Variants in FAM161A observed in about 807,000 individuals in gnomAD.
FAM161A encodes FAM161 centrosomal protein A.
In FAM161A, 57 loss-of-function variants were observed where a neutral mutation model predicts 70.9. The observed-to-expected ratio is 0.80, with a 90% CI of 0.65 to 1.00. FAM161A has a LOEUF of 1.00. Among genes scored for constraint, FAM161A ranks in the 50% least tolerant of loss-of-function variants. The pLI is 0.00. For synonymous variants in FAM161A, 299 were observed against 295.7 expected, an observed-to-expected ratio of 1.01 and a Z score of -0.12; for missense variants, 880 against 836.0, an observed-to-expected ratio of 1.05 and a Z score of -0.65.
chr2:61,826,423 C>A lies in FAM161A; in HGVS notation c.*32G>T, dbSNP rs1170344174. The A allele has an allele frequency of 3.1e-6, 5 of 1,610,348 alleles. No homozygotes were observed. In the South Asian group the frequency reaches 4.4e-5, roughly 14 times the overall value. On this transcript the variant is annotated 3_prime_UTR_variant, in exon 7 of 7. Coordinates refer to ENST00000404929, the MANE Select transcript of FAM161A (RefSeq NM_001201543.2). Reference sequence around the variant, plus strand: ...GCTGACACCCTGACGCTGCAAACAACAGCAAGGGCATAGAGAGGAGACCTT... The same window carrying A: ...GCTGACACCCTGACGCTGCAAACAAAAGCAAGGGCATAGAGAGGAGACCTT...
At position 61,838,519 on chromosome 2, in the gene FAM161A, C is replaced by T; in HGVS notation, c.1751+19G>A. 6.3e-7 allele frequency: 1 copy of T among 1,592,764 alleles called. No individual in the cohort carries two copies. The highest frequency in any genetic ancestry group is 8.6e-7 in the Non-Finnish European group (1 of 1,169,388). On this transcript the variant is annotated intron_variant, in intron 4 of 6. Transcript: ENST00000404929. ...TTTGAAAACCAGTGGTCTGGAGATTCAAGATTTTTTCATGATACCTGAGAC... is the reference window on the plus strand; with the variant it reads ...TTTGAAAACCAGTGGTCTGGAGATTTAAGATTTTTTCATGATACCTGAGAC...
At chr2:61,816,749 G>C in the FAM161A span, among the ~76,000 whole-genome samples, 10 of 152,310 alleles carry the variant, frequency 6.6e-5, no homozygotes, top group Non-Finnish European at 1.0e-4. Context: ...TTACAGGTGT[G>C]AGCCACGGCC....
At chr2:61,848,406 T>C (rs549779149) in intron 1 of FAM161A, among the ~76,000 whole-genome samples, 3 of 152,176 alleles carry the variant, frequency 2.0e-5, no homozygotes, top group South Asian at 4.1e-4. Flanking sequence ...ATTTAATCTT[T>C]AATTGTCTCC....
chr2:61,810,453 CTTTTTTTT>C, the FAM161A span, among the ~76,000 whole-genome samples: 112 of 95,616 alleles, frequency 1.2e-3, no homozygotes, highest in African/African-American at 4.7e-3. Context: ...CCAGCACTTC[CTTTTTTTT>C]TTTTTTTTTT....
the FAM161A span, among the ~76,000 whole-genome samples, chr2:61,804,869 C>T: frequency 4.0e-5 from 6 of 150,136 alleles, no homozygotes; most frequent in African/African-American, 7.4e-5. Flanking sequence ...AGGGAGGGAG[C>T]GAGAGAAACT....
chr2:61,823,386 T>TA (rs1558470704), downstream of FAM161A, among the ~76,000 whole-genome samples: 78 of 135,192 alleles, frequency 5.8e-4, 1 homozygote, highest in African/African-American at 1.5e-3. Context: ...TATATATATA[T>TA]TGAGTCAGGG....
At chr2:61,847,956 G>C (rs2105096798) in intron 1 of FAM161A, among the ~76,000 whole-genome samples, 1 of 152,142 alleles carries the variant, frequency 6.6e-6, no homozygotes, top group East Asian at 1.9e-4. Flanking sequence ...CCTCCCAAAA[G>C]AATGAACCAT....
At chr2:61,812,269 G>A in the FAM161A span, among the ~76,000 whole-genome samples, 658 of 152,116 alleles carry the variant, frequency 4.3e-3, 1 homozygote, top group Middle Eastern at 0.051. Context: ...TGAGAATAGG[G>A]GCTCTCTTTT....
intron 1 of FAM161A, among the ~76,000 whole-genome samples, chr2:61,847,718 G>A (rs939736371): frequency 3.9e-5 from 6 of 152,018 alleles, no homozygotes; most frequent in Non-Finnish European, 7.4e-5. Flanking sequence ...GCTGCAGTGA[G>A]CTATGATGGA....
At chr2:61,820,400 T>A (rs530025805), downstream of FAM161A, 1 of 757,574 alleles carries the variant, frequency 1.3e-6, no homozygotes, top group Non-Finnish European at 2.4e-6. Flanking sequence ...GTGGAGGAGG[T>A]GGATGCAGCC....
At chr2:61,835,073 T>C (rs2105072236) in intron 5 of FAM161A, among the ~76,000 whole-genome samples, 1 of 152,334 alleles carries the variant, frequency 6.6e-6, no homozygotes, top group South Asian at 2.1e-4. Flanking sequence ...TTACGTAACT[T>C]TGAGAGACTG....
downstream of FAM161A, among the ~76,000 whole-genome samples, chr2:61,821,994 C>T (rs1203050534): frequency 1.3e-5 from 2 of 151,428 alleles, no homozygotes; most frequent in Non-Finnish European, 2.9e-5. Context: ...GTCTCAAACT[C>T]CTGACCTCAA....
chr2:61,847,678 G>A (rs1003801400), intron 1 of FAM161A, among the ~76,000 whole-genome samples: 4 of 151,942 alleles, frequency 2.6e-5, no homozygotes, highest in African/African-American at 4.8e-5. Context: ...GGACTGAGGC[G>A]GAAGGATCAC....
chr2:61,834,875 A>C (rs535613217), intron 5 of FAM161A, among the ~76,000 whole-genome samples: 1 of 152,288 alleles, frequency 6.6e-6, no homozygotes, highest in South Asian at 2.1e-4. Flanking sequence ...AAGAGCAAAA[A>C]CAAAAAACTT....
At chr2:61,837,816 C>T (rs553254336) in intron 4 of FAM161A, among the ~76,000 whole-genome samples, 1 of 152,268 alleles carries the variant, frequency 6.6e-6, no homozygotes, top group South Asian at 2.1e-4. Flanking sequence ...ACATTATGCT[C>T]ACGTTCATCA....
the FAM161A span, chr2:61,803,283 C>CATGATTT: frequency 1.6e-6 from 1 of 626,370 alleles, no homozygotes; most frequent in Non-Finnish European, 3.0e-6. Flanking sequence ...GTGGCTTTGG[C>CATGATTT]ATGATTTATG....
At chr2:61,837,826 A>G (rs757484653) in intron 4 of FAM161A, among the ~76,000 whole-genome samples, 3 of 152,228 alleles carry the variant, frequency 2.0e-5, no homozygotes, top group Non-Finnish European at 2.9e-5. Flanking sequence ...CACGTTCATC[A>G]AATTAAGCTC....
Position 61,845,753 on chromosome 2 carries a change from C to A in FAM161A, c.184-3393G>T, listed in dbSNP as rs542995943. On this transcript the variant is annotated intron_variant, in intron 1 of 6. Transcript: ENST00000404929. The stretch of plus-strand genomic sequence containing the variant: ...GAGGCTGCAGTGAGCCGTGAGCGCG[C>A]CACTGCACTTGAGCCTGGGCGACAG... Among the ~76,000 whole-genome samples the A allele has an allele frequency of 7.9e-5, 12 of 151,352 alleles. No individual in the cohort carries two copies. The South Asian group carries it at 2.3e-3, about 29-fold the overall frequency.
chr2:61,846,329 AG>A (rs1181141433), intron 1 of FAM161A, among the ~76,000 whole-genome samples: 1 of 152,118 alleles, frequency 6.6e-6, no homozygotes, highest in Non-Finnish European at 1.5e-5. Context: ...GCAAGCAAGA[AG>A]GGGTTTCCAT....
Sources: allele counts gnomAD v4.1 joint callset (sites outside exome capture counted in the v4.1 genomes callset), GRCh38; gene constraint gnomAD v4.1.1; transcripts MANE v1.5; gene names NCBI Gene and HGNC (gene_info 2026-07-23, HGNC 2026-07-21).